The following KBTBD8 variants were observed in gnomAD, a reference collection of about 807,000 sequenced individuals.
The protein encoded by KBTBD8 is kelch repeat and BTB domain-containing protein 8.
A neutral mutation model predicts 53.5 loss-of-function variants in KBTBD8; 31 were observed. That is an observed-to-expected ratio of 0.58 (90% confidence interval 0.44 to 0.78). The LOEUF is 0.78. Among genes scored for constraint, KBTBD8 ranks in the 30% least tolerant of loss-of-function variants. The pLI, the probability that KBTBD8 is intolerant of heterozygous loss-of-function variation, is 0.00. For synonymous variants in KBTBD8, 250 were observed against 247.3 expected, an observed-to-expected ratio of 1.01 and a Z score of -0.10; for missense variants, 642 against 735.8, an observed-to-expected ratio of 0.87 and a Z score of 1.48.
At chr3:67,002,813 C>A (rs1429431888) in intron 2 of KBTBD8, among the ~76,000 whole-genome samples, 1 of 152,038 alleles carries the variant, frequency 6.6e-6, no homozygotes, top group Non-Finnish European at 1.5e-5. Flanking sequence ...TATTCTTAAG[C>A]TTTCTGACTG....
chr3:66,999,098 A>C lies in KBTBD8; in HGVS notation c.134A>C (p.Glu45Ala). The change falls in exon 2 of 4, where the codon GAA becomes GCA. Residue 45 changes from glutamate (E) to alanine (A), a missense_variant. By Grantham distance (107) the Glu-to-Ala change is moderately radical (BLOSUM62 -1). Transcript: ENST00000417314. ...ILKQLKTMYD[E>A]GQLTDIVVEV... ...AAGCAACTCAAAACAATGTACGATG[A>C]AGGACAGTTGACAGACATTGTAGTG... 6.2e-7 allele frequency: 1 copy of C among 1,614,192 alleles called. No individual in the cohort carries two copies. The highest frequency in any genetic ancestry group is 8.5e-7 in the Non-Finnish European group (1 of 1,180,026).
Position 67,003,827 on chromosome 3 carries a change from T to G in KBTBD8, c.860T>G (p.Met287Arg), listed in dbSNP as rs1397036949. The G allele has an allele frequency of 6.2e-7, 1 of 1,614,064 alleles. No homozygotes were observed. The highest frequency in any genetic ancestry group is 8.5e-7 in the Non-Finnish European group (1 of 1,180,052). ...TQRLGMTASEMIICFDAAHKH... is the reference protein window; with the variant it reads ...TQRLGMTASERIICFDAAHKH... ...AGGCTTGGAATGACTGCTTCTGAAATGATCATATGTTTTGATGCTGCCCAC... is the reference window on the plus strand; with the variant it reads ...AGGCTTGGAATGACTGCTTCTGAAAGGATCATATGTTTTGATGCTGCCCAC... Residue 287 changes from methionine (M) to arginine (R), a missense_variant, in exon 3 of 4, where the codon ATG becomes AGG. Transcript: ENST00000417314.
At chr3:67,003,105 T>A in intron 2 of KBTBD8, 90 bp from the exon 3 acceptor site, 2 of 1,288,338 alleles carry the variant, frequency 1.6e-6, no homozygotes, top group Non-Finnish European at 2.2e-6. Flanking sequence ...CAAAAGGTTA[T>A]CTTTGTGGTA....
At chr3:67,005,628 C>T (rs531034531) in intron 3 of KBTBD8, among the ~76,000 whole-genome samples, 47 of 151,890 alleles carry the variant, frequency 3.1e-4, no homozygotes, top group African/African-American at 1.1e-3. Context: ...TTCTTTCTTT[C>T]TTCTTTCCCC....
intron 2 of KBTBD8, among the ~76,000 whole-genome samples, chr3:66,999,767 C>T (rs1333676448): frequency 2.6e-5 from 4 of 152,182 alleles, no homozygotes; most frequent in Non-Finnish European, 5.9e-5. Context: ...AATTACCACT[C>T]AATAGATTGT....
chr3:67,002,485 T>TATC lies in KBTBD8; in HGVS notation c.228-707_228-705dup, dbSNP rs1702025920. 2.0e-5 allele frequency among the ~76,000 whole-genome samples: 3 copies of TATC among 151,474 alleles called. No homozygotes were observed. The South Asian group carries it at 6.3e-4, about 32-fold the overall frequency. On this transcript the variant is annotated intron_variant, in intron 2 of 3. Coordinates refer to ENST00000417314, the MANE Select transcript of KBTBD8 (RefSeq NM_032505.3). ...TAGGTTGTTTCTTTGTATGCTAATG[T>TATC]ATCATGTTGATACCTTTATAGGTAT...
Position 66,999,037 on chromosome 3 carries a change from G to T in KBTBD8, c.73G>T (p.Asp25Tyr), listed in dbSNP as rs377017609. ...GATTCCATCTTCAGACCCAGCCAGCGATGCCATGGACCCCTTCCATGCTTG... is the reference window on the plus strand; with the variant it reads ...GATTCCATCTTCAGACCCAGCCAGCTATGCCATGGACCCCTTCCATGCTTG... ...NGIPSSDPAS[D>Y]AMDPFHACSI... Residue 25 changes from aspartate (D) to tyrosine (Y), a missense_variant, in exon 2 of 4, where the codon GAT (aspartate) becomes TAT (tyrosine). Transcript: ENST00000417314. 6.3e-5 allele frequency: 101 copies of T among 1,613,968 alleles called. No homozygotes were observed. The highest frequency in any genetic ancestry group is 8.4e-5 in the Non-Finnish European group (99 of 1,179,994).
chr3:66,998,737 T>TGCCGGGCTC (rs1000905470), intron 1 of KBTBD8, among the ~76,000 whole-genome samples: 4 of 152,046 alleles, frequency 2.6e-5, no homozygotes, highest in African/African-American at 4.8e-5. Flanking sequence ...CGAGCACGGG[T>TGCCGGGCTC]GCCGGGCTCG....
At position 67,008,888 on chromosome 3, in the gene KBTBD8, A is replaced by G. The variant is rs1353557545; in HGVS notation, c.*503A>G. 6.5e-6 allele frequency: 1 copy of G among 154,110 alleles called. No homozygotes were observed. The highest frequency in any genetic ancestry group is 2.4e-5 in the African/African-American group (1 of 41,436). The allele number at this position is 154,110 out of a possible 1,614,324, so 9.5% of individuals were successfully genotyped here. Reference sequence around the variant, plus strand: ...TATCTATTTTTGTGTACTGTTTTCAAGTGTACTGAGATTTAAATGTGTTCT... The same window carrying G: ...TATCTATTTTTGTGTACTGTTTTCAGGTGTACTGAGATTTAAATGTGTTCT... On this transcript the variant is annotated 3_prime_UTR_variant, in exon 4 of 4. Transcript: ENST00000417314.
At chr3:67,003,167 G>A in intron 2 of KBTBD8, 28 bp from the exon 3 acceptor site, 1 of 1,594,572 alleles carries the variant, frequency 6.3e-7, no homozygotes, top group East Asian at 2.2e-5. Flanking sequence ...TAGCACACGT[G>A]TAATATTAAC....
chr3:67,004,005 C>T lies in KBTBD8; in HGVS notation c.1038C>T (p.Ser346=), dbSNP rs1251223714. The T allele has an allele frequency of 4.3e-6, 7 of 1,614,012 alleles. No individual in the cohort carries two copies. Among genetic ancestry groups the T allele is most frequent in the Non-Finnish European group, 5.9e-6 (7 of 1,180,036 alleles). ...DIYIAGGYRP[S]SSEVSIDHKA... ...ACATTGCAGGAGGGTACAGGCCAAG[C>T]AGCAGTGAGGTCTCCATCGACCATA... is the stretch of plus-strand genomic sequence containing the variant. The change falls in exon 3 of 4, where the codon AGC becomes AGT. Residue 346 remains serine (S), a synonymous_variant. Coordinates refer to ENST00000417314, the MANE Select transcript of KBTBD8 (RefSeq NM_032505.3).
intron 1 of KBTBD8, 57 bp from the exon 2 acceptor site, chr3:66,998,924 C>T: frequency 7.4e-7 from 1 of 1,358,686 alleles, no homozygotes; most frequent in Non-Finnish European, 1.0e-6. Flanking sequence ...AGAAAAATCC[C>T]GCGATGCCGT....
chr3:67,007,174 T>A (rs1345765240), intron 3 of KBTBD8, among the ~76,000 whole-genome samples: 1 of 152,226 alleles, frequency 6.6e-6, no homozygotes, highest in African/African-American at 2.4e-5. Flanking sequence ...CATACACATT[T>A]ATCATGGCAT....
Position 67,008,022 on chromosome 3 carries a change from C to T in KBTBD8, c.1443C>T (p.Asp481=), listed in dbSNP as rs1702083902. Residue 481 remains aspartate (D), a synonymous_variant, in exon 4 of 4, where the codon GAC becomes GAT. Coordinates refer to ENST00000417314, the MANE Select transcript of KBTBD8 (RefSeq NM_032505.3). ...RIQGLAAVYK[D]SIYYIAGTCG... ...AGGGCTTAGCAGCTGTATACAAGGA[C>T]TCTATCTACTACATAGCTGGAACCT... 1 of 1,613,250 alleles carries T rather than the reference C, an allele frequency of 6.2e-7. No individual in the cohort carries two copies. The highest frequency in any genetic ancestry group is 8.5e-7 in the Non-Finnish European group (1 of 1,179,518).
At chr3:67,007,043 A>G (rs1294111345) in intron 3 of KBTBD8, among the ~76,000 whole-genome samples, 1 of 152,218 alleles carries the variant, frequency 6.6e-6, no homozygotes, top group Admixed American at 6.5e-5. Flanking sequence ...CTATCTTATT[A>G]AAGTCATGTT....
intron 2 of KBTBD8, among the ~76,000 whole-genome samples, chr3:67,000,927 T>C (rs1473534103): frequency 6.6e-6 from 1 of 152,006 alleles, no homozygotes; most frequent in Non-Finnish European, 1.5e-5. Flanking sequence ...ACTTAGTAAG[T>C]ATACTTATTA....
chr3:66,998,321 T>C lies in KBTBD8; in HGVS notation c.-35T>C. ...GCTAGAGAAGCGAAATGACATTTCC[T>C]TTTTAAATAGCTGGAGTCGGGGCCC... On this transcript the variant is annotated 5_prime_UTR_variant, in exon 1 of 4. Transcript: ENST00000417314. 1 of 1,299,782 alleles carries C rather than the reference T, an allele frequency of 7.7e-7. No individual in the cohort carries two copies. The highest frequency in any genetic ancestry group is 9.8e-7 in the Non-Finnish European group (1 of 1,016,042). The allele number at this position is 1,299,782 out of a possible 1,614,324, so 80.5% of individuals were successfully genotyped here.
chr3:67,004,944 C>T (rs370533495), intron 3 of KBTBD8, among the ~76,000 whole-genome samples: 1 of 151,998 alleles, frequency 6.6e-6, no homozygotes, highest in Non-Finnish European at 1.5e-5. Context: ...TTGAGATGTC[C>T]CTTTTTTTTG....
Position 67,008,664 on chromosome 3 carries a change from T to C in KBTBD8, c.*279T>C, listed in dbSNP as rs573887108. The C allele has an allele frequency of 2.7e-6, 1 of 368,302 alleles. No homozygotes were observed. Among genetic ancestry groups the C allele is most frequent in the Non-Finnish European group, 4.9e-6 (1 of 202,388 alleles). 22.8% of individuals were successfully genotyped at this position (368,302 alleles called of 1,614,324 possible). On this transcript the variant is annotated 3_prime_UTR_variant, in exon 4 of 4. Coordinates refer to ENST00000417314, the MANE Select transcript of KBTBD8 (RefSeq NM_032505.3). ...ATTTTGTGATAAATAGTAACTGAGG[T>C]ACCAGATGAATCAGGACAACTATGC...
Sources: gnomAD v4.1 joint callset for allele counts (sites outside exome capture counted in the v4.1 genomes callset) on GRCh38, gnomAD v4.1.1 for gene constraint, MANE v1.5 for transcripts, NCBI Gene and HGNC (gene_info 2026-07-23, HGNC 2026-07-21) for gene names.